The following ZMAT4 variants were observed in gnomAD, a reference collection of about 807,000 sequenced individuals.
ZMAT4 encodes the protein zinc finger matrin-type protein 4.
A neutral mutation model predicts 28.7 loss-of-function variants in ZMAT4; 17 were observed. The observed-to-expected ratio is 0.59, with a 90% confidence interval of 0.41 to 0.89. The LOEUF is 0.89. ZMAT4 is among the 40% of genes least tolerant of loss of function. The pLI is 0.00. For synonymous variants in ZMAT4, 117 were observed against 109.2 expected, an observed-to-expected ratio of 1.07 and a Z score of -0.44; for missense variants, 240 against 283.8, an observed-to-expected ratio of 0.85 and a Z score of 1.11.
chr8:40,663,048 C>A lies in ZMAT4; in HGVS notation c.577+11656G>T, dbSNP rs570718312. Among the ~76,000 whole-genome samples the A allele has an allele frequency of 3.9e-5, 6 of 152,300 alleles. No individual in the cohort carries two copies. In the South Asian group the frequency reaches 1.2e-3, roughly 32 times the overall value. On this transcript the variant is annotated intron_variant, in intron 5 of 6. Transcript: ENST00000297737. Reference sequence around the variant, plus strand: ...AAGTATTCATCTCTCTACTCAAAAACACATCAGTGGCCACCAAATACAGTT... The same window carrying A: ...AAGTATTCATCTCTCTACTCAAAAAAACATCAGTGGCCACCAAATACAGTT...
At chr8:40,701,817 C>T (rs970776587) in intron 3 of ZMAT4, among the ~76,000 whole-genome samples, 2 of 152,084 alleles carry the variant, frequency 1.3e-5, no homozygotes, top group Non-Finnish European at 2.9e-5. Context: ...CACTGCCCAG[C>T]CCACTATGCA....
intron 5 of ZMAT4, among the ~76,000 whole-genome samples, chr8:40,614,808 C>T (rs1471888078): frequency 6.6e-6 from 1 of 152,100 alleles, no homozygotes; most frequent in Non-Finnish European, 1.5e-5. Flanking sequence ...TTATTTTGAG[C>T]CTATGTGTGT....
intron 3 of ZMAT4, among the ~76,000 whole-genome samples, chr8:40,749,398 T>A (rs908033734): frequency 1.3e-5 from 2 of 152,190 alleles, no homozygotes; most frequent in African/African-American, 4.8e-5. Context: ...GGAAATTGAC[T>A]GAGGTCATTC....
intron 5 of ZMAT4, among the ~76,000 whole-genome samples, chr8:40,673,161 C>A (rs1243829877): frequency 6.6e-6 from 1 of 152,124 alleles, no homozygotes; most frequent in African/African-American, 2.4e-5. Flanking sequence ...TTTGCCCATG[C>A]GTATGTGATT....
At chr8:40,844,657 CTG>C (rs71224857) in intron 1 of ZMAT4, among the ~76,000 whole-genome samples, 62,898 of 142,220 alleles carry the variant, frequency 0.44, 14,691 homozygotes, top group Non-Finnish European at 0.55. Context: ...CTCTCTCATT[CTG>C]TGTGTGTGTG....
intron 5 of ZMAT4, among the ~76,000 whole-genome samples, chr8:40,654,661 A>G (rs1807836770): frequency 6.6e-6 from 1 of 152,196 alleles, no homozygotes; most frequent in Non-Finnish European, 1.5e-5. Context: ...TTAACGTATG[A>G]AAATCAATAA....
At chr8:40,715,444 A>T (rs1810810468) in intron 3 of ZMAT4, among the ~76,000 whole-genome samples, 2 of 152,206 alleles carry the variant, frequency 1.3e-5, no homozygotes, top group African/African-American at 4.8e-5. Flanking sequence ...AGTAGAAACA[A>T]AACCTGAAAG....
At chr8:40,890,914 G>A (rs1341457027) in intron 1 of ZMAT4, among the ~76,000 whole-genome samples, 2 of 151,896 alleles carry the variant, frequency 1.3e-5, no homozygotes, top group African/African-American at 4.8e-5. Context: ...CCATTCAGGT[G>A]TTCCTCACTC....
chr8:40,649,994 C>A (rs900159958), intron 5 of ZMAT4, among the ~76,000 whole-genome samples: 15 of 151,376 alleles, frequency 9.9e-5, no homozygotes, highest in South Asian at 2.1e-4. Flanking sequence ...AAATTGACAC[C>A]CTAACATCAC....
At chr8:40,645,477 G>A (rs764400315) in intron 5 of ZMAT4, among the ~76,000 whole-genome samples, 6 of 152,052 alleles carry the variant, frequency 3.9e-5, no homozygotes, top group African/African-American at 1.4e-4. Context: ...GAAAATATAG[G>A]TCCATTGCAG....
intron 6 of ZMAT4, among the ~76,000 whole-genome samples, chr8:40,559,328 T>C (rs1233977668): frequency 2.0e-5 from 3 of 152,178 alleles, no homozygotes; most frequent in Admixed American, 2.0e-4. Flanking sequence ...ACTTAAATGT[T>C]AAGTCTCCAC....
chr8:40,680,887 C>T (rs1809137420), intron 4 of ZMAT4, among the ~76,000 whole-genome samples: 1 of 152,090 alleles, frequency 6.6e-6, no homozygotes, highest in African/African-American at 2.4e-5. Flanking sequence ...TTAATTCATT[C>T]TCACAAGGGA....
intron 3 of ZMAT4, among the ~76,000 whole-genome samples, chr8:40,702,049 GC>G (rs1810172728): frequency 6.6e-6 from 1 of 152,156 alleles, no homozygotes; most frequent in Admixed American, 6.5e-5. Flanking sequence ...TGCTGTAAAA[GC>G]AAGTTCAACC....
chr8:40,871,527 A>G (rs910132468), intron 1 of ZMAT4, among the ~76,000 whole-genome samples: 1 of 152,226 alleles, frequency 6.6e-6, no homozygotes, highest in African/African-American at 2.4e-5. Context: ...AATTCTCAAA[A>G]TCTCCACTGA....
At chr8:40,782,107 A>G (rs886680377) in intron 2 of ZMAT4, among the ~76,000 whole-genome samples, 1 of 152,100 alleles carries the variant, frequency 6.6e-6, no homozygotes, top group Non-Finnish European at 1.5e-5. Flanking sequence ...GTTGTGCTTC[A>G]AAGACACCGG....
At chr8:40,731,280 C>T (rs1020881027) in intron 3 of ZMAT4, among the ~76,000 whole-genome samples, 2 of 150,002 alleles carry the variant, frequency 1.3e-5, no homozygotes, top group Non-Finnish European at 3.0e-5. Flanking sequence ...TCCAAAGTAA[C>T]TGCATATGGG....
At chr8:40,670,893 C>T (rs1468031395) in intron 5 of ZMAT4, among the ~76,000 whole-genome samples, 2 of 151,844 alleles carry the variant, frequency 1.3e-5, no homozygotes, top group African/African-American at 2.4e-5. Flanking sequence ...ATGGTGAAAC[C>T]CCGTCTCTAC....
intron 2 of ZMAT4, among the ~76,000 whole-genome samples, chr8:40,819,162 C>T (rs1461886674): frequency 2.6e-5 from 4 of 152,166 alleles, no homozygotes; most frequent in Non-Finnish European, 4.4e-5. Flanking sequence ...TCTGTAGGTC[C>T]AATATGCCTG....
chr8:40,657,772 C>T (rs1807991202), intron 5 of ZMAT4, among the ~76,000 whole-genome samples: 1 of 152,130 alleles, frequency 6.6e-6, no homozygotes, highest in Non-Finnish European at 1.5e-5. Flanking sequence ...TGCTGTAGGG[C>T]TTTCGCTTAA....
Sources: allele counts gnomAD v4.1 joint callset (sites outside exome capture counted in the v4.1 genomes callset), GRCh38; gene constraint gnomAD v4.1.1; transcripts MANE v1.5; gene names NCBI Gene and HGNC (gene_info 2026-07-23, HGNC 2026-07-21).